NECTIN3: variants seen among roughly 807,000 people sequenced by gnomAD.
The protein encoded by NECTIN3 is nectin cell adhesion molecule 3.
In NECTIN3, 8 loss-of-function variants were observed where a neutral mutation model predicts 49.4. That is an observed-to-expected ratio of 0.16 (90% confidence interval 0.10 to 0.29). NECTIN3 has a LOEUF of 0.29. NECTIN3 is among the 10% of genes least tolerant of loss of function. The pLI, the probability that NECTIN3 is intolerant of heterozygous loss-of-function variation, is 1.00. For synonymous variants in NECTIN3, 277 were observed against 241.1 expected, an observed-to-expected ratio of 1.15 and a Z score of -1.38; for missense variants, 581 against 654.6, an observed-to-expected ratio of 0.89 and a Z score of 1.23.
At chr3:111,096,024 T>C (rs1024601337) in intron 1 of NECTIN3, among the ~76,000 whole-genome samples, 1 of 151,956 alleles carries the variant, frequency 6.6e-6, no homozygotes, top group Non-Finnish European at 1.5e-5. Flanking sequence ...CAGGCAGAGG[T>C]TGGAACAGTT....
At chr3:111,152,388 A>G (rs1211864230) in intron 7 of NECTIN3, among the ~76,000 whole-genome samples, 1 of 151,848 alleles carries the variant, frequency 6.6e-6, no homozygotes, top group Non-Finnish European at 1.5e-5. Flanking sequence ...CCACAACCTC[A>G]CCAATAGTAT....
chr3:111,109,327 T>C (rs1018700199), intron 1 of NECTIN3, among the ~76,000 whole-genome samples: 2 of 152,162 alleles, frequency 1.3e-5, no homozygotes, highest in African/African-American at 4.8e-5. Context: ...TTTGTTGTTG[T>C]TGTGGTTTTA....
In NECTIN3 at chr3:111,136,017, T is replaced by A; in HGVS notation, c.*1802T>A. The stretch of plus-strand genomic sequence containing the variant: ...ATATTACAACTTTTTAGTGCAAGTT[T>A]TTGGAAGAAAACTTTTTGATAAAAC... On this transcript the variant is annotated 3_prime_UTR_variant, in exon 6 of 6. Transcript: ENST00000485303. 1 of 973,732 alleles carries A rather than the reference T, an allele frequency of 1.0e-6. No individual in the cohort carries two copies. The allele number at this position is 973,732 out of a possible 1,614,324, so 60.3% of individuals were successfully genotyped here.
At chr3:111,116,051 C>T (rs568592292) in intron 2 of NECTIN3, among the ~76,000 whole-genome samples, 1 of 152,044 alleles carries the variant, frequency 6.6e-6, no homozygotes, top group African/African-American at 2.4e-5. Flanking sequence ...GCTGAAGCAT[C>T]AAGCCTTGTA....
At chr3:111,118,178 A>G (rs1193959417) in intron 2 of NECTIN3, among the ~76,000 whole-genome samples, 1 of 145,946 alleles carries the variant, frequency 6.9e-6, no homozygotes, top group Non-Finnish European at 1.5e-5. Context: ...TTAACATTTT[A>G]ACAGTAAGTC....
intron 1 of NECTIN3, among the ~76,000 whole-genome samples, chr3:111,091,369 C>T (rs2032258695): frequency 6.6e-6 from 1 of 152,160 alleles, no homozygotes; most frequent in Admixed American, 6.5e-5. Context: ...CATCTCCTGC[C>T]TCAGCCTCCC....
In NECTIN3 at chr3:111,073,883, A is replaced by G. The variant is rs190851285; in HGVS notation, c.160+1706A>G. ...GAATTGTTGATTACTTTTTGAAGGA[A>G]CACATTGGTTTTCACATGGAAGAAG... On this transcript the variant is annotated intron_variant, in intron 1 of 5. Transcript: ENST00000485303. Among the ~76,000 whole-genome samples, 13 of 152,342 alleles carry G rather than the reference A, an allele frequency of 8.5e-5. No individual in the cohort carries two copies. In the East Asian group the frequency reaches 2.3e-3, roughly 27 times the overall value.
chr3:111,096,472 A>G (rs768917460), intron 1 of NECTIN3, among the ~76,000 whole-genome samples: 18 of 152,254 alleles, frequency 1.2e-4, no homozygotes, highest in Middle Eastern at 3.2e-3. Flanking sequence ...AGACATTTGC[A>G]TAAGTAATGA....
At chr3:111,111,076 ACTT>A (rs1360710786) in intron 1 of NECTIN3, among the ~76,000 whole-genome samples, 1 of 151,984 alleles carries the variant, frequency 6.6e-6, no homozygotes, top group African/African-American at 2.4e-5. Flanking sequence ...ATTTTGGTTT[ACTT>A]CTTGGTTTGT....
intron 7 of NECTIN3, among the ~76,000 whole-genome samples, chr3:111,175,689 C>CATG (rs1248306574): frequency 6.6e-6 from 1 of 152,226 alleles, no homozygotes; most frequent in Admixed American, 6.5e-5. Context: ...ATATTGCAAA[C>CATG]ATGATGACAT....
intron 5 of NECTIN3, among the ~76,000 whole-genome samples, chr3:111,142,957 G>T (rs974704168): frequency 6.6e-6 from 1 of 151,780 alleles, no homozygotes; most frequent in African/African-American, 2.4e-5. Flanking sequence ...TAACGTACTT[G>T]ACAATTAGTA....
intron 1 of NECTIN3, among the ~76,000 whole-genome samples, chr3:111,083,601 T>TAAGCC (rs1179406870): frequency 1.3e-5 from 2 of 152,222 alleles, no homozygotes. Context: ...ACAAAGAGTG[T>TAAGCC]AAGCCAGCTA....
chr3:111,082,134 A>G (rs571008615), intron 1 of NECTIN3, among the ~76,000 whole-genome samples: 64 of 152,254 alleles, frequency 4.2e-4, no homozygotes, highest in Admixed American at 1.9e-3. Context: ...TGGGTAAGGA[A>G]GGAGGAGTTA....
rs1228869779 is a variant in NECTIN3, at chr3:111,071,840, G to C, written c.-178G>C. 2 of 391,426 alleles carry C rather than the reference G, an allele frequency of 5.1e-6. No individual in the cohort carries two copies. The highest frequency in any genetic ancestry group is 2.1e-5 in the African/African-American group (1 of 47,448). The allele number at this position is 391,426 out of a possible 1,614,324, so 24.2% of individuals were successfully genotyped here. On this transcript the variant is annotated 5_prime_UTR_variant, in exon 1 of 6. Transcript: ENST00000485303. ...CAGCCTCGGCAGTGGCGTCGGCGAC[G>C]GCGGTGTCGAGGCAGCCGCCAGCGT...
chr3:111,162,165 T>G (rs1411779958), intron 7 of NECTIN3, among the ~76,000 whole-genome samples: 6 of 152,118 alleles, frequency 3.9e-5, no homozygotes, highest in Admixed American at 2.0e-4. Context: ...TGATTTAACC[T>G]CTGGGTTACA....
intron 2 of NECTIN3, among the ~76,000 whole-genome samples, chr3:111,112,797 T>G (rs1408390022): frequency 6.6e-6 from 1 of 152,150 alleles, no homozygotes; most frequent in East Asian, 1.9e-4. Context: ...TCATATCACA[T>G]TTTATTCCTG....
At chr3:111,147,602 CATTATGCA>C in intron 7 of NECTIN3, 4 of 854,538 alleles carry the variant, frequency 4.7e-6, no homozygotes, top group Non-Finnish European at 7.1e-6. Flanking sequence ...GTTGTTTAGT[CATTATGCA>C]TTAAATGTTG....
chr3:111,180,145 CAT>C (rs532668916), intron 7 of NECTIN3, among the ~76,000 whole-genome samples: 226 of 152,244 alleles, frequency 1.5e-3, no homozygotes, highest in African/African-American at 5.2e-3. Flanking sequence ...TTATAAAACT[CAT>C]ATATAAGAGT....
At chr3:111,089,582 A>G (rs941906673) in intron 1 of NECTIN3, among the ~76,000 whole-genome samples, 3 of 152,142 alleles carry the variant, frequency 2.0e-5, no homozygotes, top group Non-Finnish European at 4.4e-5. Flanking sequence ...ATTTTTGCTT[A>G]AGTAAATGGG....
Sources: allele counts gnomAD v4.1 joint callset (sites outside exome capture counted in the v4.1 genomes callset), GRCh38; gene constraint gnomAD v4.1.1; transcripts MANE v1.5; gene names NCBI Gene and HGNC (gene_info 2026-07-23, HGNC 2026-07-21).